Variants in EPHB1 observed in about 807,000 individuals in gnomAD.
EPHB1 encodes the protein EPH receptor B1, also known as ephrin type-B receptor 1.
EPHB1 carries 30 observed loss-of-function variants against 94.4 expected under a neutral mutation model. The observed-to-expected ratio is 0.32, with a 90% CI of 0.24 to 0.43. The LOEUF (loss-of-function observed/expected upper bound fraction) is 0.43. EPHB1 is among the 20% of genes least tolerant of loss of function. The pLI is 1.00. For missense variants in EPHB1, 1,055 were observed against 1,308.3 expected, an observed-to-expected ratio of 0.81 and a Z score of 2.99; for synonymous variants, 522 against 489.1, an observed-to-expected ratio of 1.07 and a Z score of -0.89.
At chr3:134,888,888 C>T (rs1029230795) in intron 1 of EPHB1, among the ~76,000 whole-genome samples, 1 of 151,700 alleles carries the variant, frequency 6.6e-6, no homozygotes, top group Non-Finnish European at 1.5e-5. Context: ...TCTCCTGGAG[C>T]TTCAAAGAGT....
At chr3:134,971,577 A>G (rs1360069575) in intron 3 of EPHB1, among the ~76,000 whole-genome samples, 1 of 152,196 alleles carries the variant, frequency 6.6e-6, no homozygotes, top group Non-Finnish European at 1.5e-5. Flanking sequence ...GATGAGAGGC[A>G]GGCCCTGGCT....
intron 9 of EPHB1, among the ~76,000 whole-genome samples, chr3:135,177,922 C>T (rs1343835703): frequency 3.9e-4 from 59 of 152,216 alleles, no homozygotes; most frequent in Admixed American, 3.8e-3. Flanking sequence ...TCTCTTCCTA[C>T]ACACGCACAT....
chr3:135,126,277 C>T (rs1308461729), intron 4 of EPHB1, among the ~76,000 whole-genome samples: 1 of 152,160 alleles, frequency 6.6e-6, no homozygotes, highest in Non-Finnish European at 1.5e-5. Flanking sequence ...ACATTTGTTG[C>T]TTTCCTGACT....
chr3:134,900,162 G>C (rs1371576549), intron 1 of EPHB1, among the ~76,000 whole-genome samples: 2 of 152,122 alleles, frequency 1.3e-5, no homozygotes, highest in African/African-American at 4.8e-5. Flanking sequence ...TAGGCTGCTG[G>C]GGAGTCATGG....
intron 5 of EPHB1, among the ~76,000 whole-genome samples, chr3:135,147,119 A>G (rs1257728904): frequency 6.6e-6 from 1 of 152,208 alleles, no homozygotes; most frequent in Non-Finnish European, 1.5e-5. Flanking sequence ...CAGCACCTGG[A>G]GGGCCCTGAC....
chr3:135,084,344 C>T (rs1938265871), intron 3 of EPHB1, among the ~76,000 whole-genome samples: 1 of 152,114 alleles, frequency 6.6e-6, no homozygotes, highest in Admixed American at 6.5e-5. Flanking sequence ...TGCCTCAGCT[C>T]ACCCACCCGT....
At chr3:135,204,881 C>CTTTT (rs71624063) in intron 12 of EPHB1, among the ~76,000 whole-genome samples, 2 of 73,916 alleles carry the variant, frequency 2.7e-5, no homozygotes, top group African/African-American at 5.9e-5. Context: ...AGGTTTTATT[C>CTTTT]TTTTTTTTTT....
chr3:135,253,049 T>G (rs1182499647), intron 15 of EPHB1, among the ~76,000 whole-genome samples: 2 of 150,158 alleles, frequency 1.3e-5, no homozygotes, highest in Non-Finnish European at 3.0e-5. Flanking sequence ...CTTTGCCCAC[T>G]TTTTGATGGG....
At chr3:134,980,342 A>C (rs1934356336) in intron 3 of EPHB1, among the ~76,000 whole-genome samples, 1 of 152,168 alleles carries the variant, frequency 6.6e-6, no homozygotes, top group South Asian at 2.1e-4. Context: ...AGAAGGAAAA[A>C]GCTTTATGGC....
At chr3:134,948,464 A>G (rs2107713447) in intron 2 of EPHB1, among the ~76,000 whole-genome samples, 1 of 146,768 alleles carries the variant, frequency 6.8e-6, no homozygotes, top group East Asian at 1.9e-4. Flanking sequence ...TCCATGGCTG[A>G]AAAAAAAAAT....
chr3:135,035,473 T>C (rs951377719), intron 3 of EPHB1, among the ~76,000 whole-genome samples: 1 of 152,186 alleles, frequency 6.6e-6, no homozygotes, highest in African/African-American at 2.4e-5. Flanking sequence ...GTAAATGGAA[T>C]TGGGAAAAGT....
chr3:134,991,642 A>G (rs1248158257), intron 3 of EPHB1, among the ~76,000 whole-genome samples: 1 of 152,028 alleles, frequency 6.6e-6, no homozygotes, highest in Non-Finnish European at 1.5e-5. Flanking sequence ...CCCTTGCCCC[A>G]GTGCAAACAC....
chr3:134,971,727 G>T (rs745781890), intron 3 of EPHB1, among the ~76,000 whole-genome samples: 5 of 152,158 alleles, frequency 3.3e-5, no homozygotes, highest in Non-Finnish European at 5.9e-5. Context: ...CTGTCAAACA[G>T]CCCTGCTCTT....
chr3:134,928,718 A>G (rs1315200179), intron 2 of EPHB1, among the ~76,000 whole-genome samples: 1 of 152,142 alleles, frequency 6.6e-6, no homozygotes, highest in Non-Finnish European at 1.5e-5. Flanking sequence ...GTGAGATGGG[A>G]GCCTGGGGCA....
chr3:135,148,538 A>T (rs902026031), intron 5 of EPHB1, among the ~76,000 whole-genome samples: 3 of 151,722 alleles, frequency 2.0e-5, no homozygotes, highest in African/African-American at 7.3e-5. Flanking sequence ...CATCTTCGAT[A>T]CTACTGGCAG....
At chr3:135,082,932 G>T (rs561319638) in intron 3 of EPHB1, among the ~76,000 whole-genome samples, 3 of 152,290 alleles carry the variant, frequency 2.0e-5, no homozygotes, top group African/African-American at 7.2e-5. Context: ...ACGTTCTGTA[G>T]TTGAGGCATG....
chr3:135,054,036 T>TACACACACACAC (rs1302391868), intron 3 of EPHB1, among the ~76,000 whole-genome samples: 8 of 105,660 alleles, frequency 7.6e-5, no homozygotes, highest in African/African-American at 2.7e-4. Context: ...TATATATATA[T>TACACACACACAC]ATATACACAC....
chr3:135,255,579 A>T (rs1933346134), intron 15 of EPHB1, among the ~76,000 whole-genome samples: 1 of 147,890 alleles, frequency 6.8e-6, no homozygotes, highest in African/African-American at 2.5e-5. Context: ...GTGGTCTGAG[A>T]GATAGTTTGT....
intron 1 of EPHB1, among the ~76,000 whole-genome samples, chr3:134,817,442 G>A (rs2036292200): frequency 6.6e-6 from 1 of 152,208 alleles, no homozygotes; most frequent in Non-Finnish European, 1.5e-5. Flanking sequence ...GGAAGTGGGT[G>A]GCACACTTCC....
Sources: allele counts gnomAD v4.1 joint callset (sites outside exome capture counted in the v4.1 genomes callset), GRCh38; gene constraint gnomAD v4.1.1; transcripts MANE v1.5; gene names NCBI Gene and HGNC (gene_info 2026-07-23, HGNC 2026-07-21).